Variants in PTPRA observed in about 807,000 individuals in gnomAD.
PTPRA encodes receptor-type tyrosine-protein phosphatase alpha.
Under a neutral mutation model 104.8 loss-of-function variants are expected in PTPRA, and 25 were observed. The observed-to-expected ratio is 0.24, with a 90% confidence interval of 0.17 to 0.33. The LOEUF (loss-of-function observed/expected upper bound fraction) is 0.33, where lower values mean the gene tolerates loss of function less well. PTPRA is among the 10% of genes least tolerant of loss of function. The pLI, the probability that PTPRA is intolerant of heterozygous loss-of-function variation, is 1.00. For missense variants in PTPRA, 765 were observed against 1,015.3 expected (o/e 0.75, Z 3.35); for synonymous variants, 323 against 368.9 (o/e 0.88, Z 1.43).
chr20:2,998,620 T>G (rs992037115), intron 9 of PTPRA, among the ~76,000 whole-genome samples: 1 of 152,228 alleles, frequency 6.6e-6, no homozygotes, highest in African/African-American at 2.4e-5. Flanking sequence ...TGGGTCGTTT[T>G]AAACAGAACT....
At chr20:2,889,314 C>T (rs562967751) in intron 1 of PTPRA, among the ~76,000 whole-genome samples, 1 of 152,236 alleles carries the variant, frequency 6.6e-6, no homozygotes, top group African/African-American at 2.4e-5. Flanking sequence ...CTCCAGGCCC[C>T]TTACTTAGTG....
intron 6 of PTPRA, among the ~76,000 whole-genome samples, chr20:2,976,378 G>C (rs908849429): frequency 2.6e-5 from 4 of 152,158 alleles, no homozygotes; most frequent in Admixed American, 2.0e-4. Context: ...TGAAACATAA[G>C]ATCTGTTGAC....
chr20:2,951,869 G>T (rs766545851), intron 3 of PTPRA, among the ~76,000 whole-genome samples: 2 of 152,070 alleles, frequency 1.3e-5, no homozygotes, highest in Non-Finnish European at 2.9e-5. Flanking sequence ...GGCTGGGCGC[G>T]GTGGCTCATG....
At chr20:2,940,527 A>T (rs1385020168) in intron 2 of PTPRA, among the ~76,000 whole-genome samples, 1 of 152,040 alleles carries the variant, frequency 6.6e-6, no homozygotes, top group African/African-American at 2.4e-5. Context: ...TATCCAGCTC[A>T]CTGCTTATTT....
intron 12 of PTPRA, 56 bp downstream of exon 12, chr20:3,015,941 TG>T (rs112421237): frequency 1.7e-5 from 26 of 1,502,238 alleles, no homozygotes; most frequent in Non-Finnish European, 2.4e-5. Flanking sequence ...ATAATGGGTT[TG>T]GTTTTTTTCT....
intron 6 of PTPRA, 93 bp downstream of exon 6, chr20:2,975,334 T>A (rs1196484859): frequency 8.8e-7 from 1 of 1,130,350 alleles, no homozygotes; most frequent in Non-Finnish European, 1.2e-6. Context: ...ACCGTGTGCA[T>A]CTGTGGCTGT....
At chr20:2,905,400 C>T (rs1023391906) in intron 1 of PTPRA, among the ~76,000 whole-genome samples, 1 of 152,180 alleles carries the variant, frequency 6.6e-6, no homozygotes, top group African/African-American at 2.4e-5. Context: ...TGCTCTCTAG[C>T]ACATCTTGCC....
chr20:2,952,073 T>C (rs967275707), intron 3 of PTPRA, among the ~76,000 whole-genome samples: 2 of 151,662 alleles, frequency 1.3e-5, no homozygotes, highest in African/African-American at 4.8e-5. Context: ...TGAGCCAAGA[T>C]TGCACCACGG....
chr20:2,897,431 A>T (rs1423809538), intron 1 of PTPRA, among the ~76,000 whole-genome samples: 2 of 126,356 alleles, frequency 1.6e-5, no homozygotes, highest in African/African-American at 6.3e-5. Flanking sequence ...TTTGTCACCC[A>T]GGCTGGAGTG....
intron 2 of PTPRA, among the ~76,000 whole-genome samples, chr20:2,944,599 C>T (rs922595077): frequency 2.6e-5 from 4 of 152,148 alleles, no homozygotes; most frequent in African/African-American, 9.7e-5. Context: ...TTGGTTTAAG[C>T]AAGTCACAGG....
At chr20:2,949,689 C>T (rs1307838496) in intron 3 of PTPRA, among the ~76,000 whole-genome samples, 7 of 150,674 alleles carry the variant, frequency 4.6e-5, no homozygotes, top group South Asian at 2.1e-4. Context: ...GAATGCTTTC[C>T]GTTTCTCTCT....
At chr20:2,979,755 G>A (rs1298088749) in intron 6 of PTPRA, among the ~76,000 whole-genome samples, 1 of 152,158 alleles carries the variant, frequency 6.6e-6, no homozygotes, top group Non-Finnish European at 1.5e-5. Flanking sequence ...AGTTGCCCAG[G>A]CTGGTCTCAA....
intron 9 of PTPRA, among the ~76,000 whole-genome samples, chr20:2,997,066 A>C (rs2063426620): frequency 6.6e-6 from 1 of 152,206 alleles, no homozygotes; most frequent in Non-Finnish European, 1.5e-5. Context: ...ATCCATTATG[A>C]TATTCTATAC....
chr20:3,015,742 C>T (rs2064409602), intron 11 of PTPRA, 107 bp from the exon 12 acceptor site: 3 of 871,712 alleles, frequency 3.4e-6, no homozygotes, highest in Non-Finnish European at 5.6e-6. Flanking sequence ...CCGTTAAGTA[C>T]CTGCACATTT....
chr20:2,876,806 TA>T (rs1255352903), intron 1 of PTPRA, among the ~76,000 whole-genome samples: 1 of 152,206 alleles, frequency 6.6e-6, no homozygotes, highest in East Asian at 1.9e-4. Flanking sequence ...CCCCAAAGTG[TA>T]TAGCTGGATA....
intron 6 of PTPRA, among the ~76,000 whole-genome samples, chr20:2,977,737 C>T (rs1234893722): frequency 1.3e-5 from 2 of 150,118 alleles, no homozygotes; most frequent in East Asian, 3.9e-4. Context: ...GGCATTTATT[C>T]AGTACCTATT....
At chr20:2,903,634 G>A (rs1270275486) in intron 1 of PTPRA, among the ~76,000 whole-genome samples, 1 of 152,116 alleles carries the variant, frequency 6.6e-6, no homozygotes, top group Non-Finnish European at 1.5e-5. Flanking sequence ...GCTGTGGTGA[G>A]CCATGATAAT....
At chr20:3,028,652 G>A (rs1399311344) in intron 20 of PTPRA, among the ~76,000 whole-genome samples, 2 of 152,196 alleles carry the variant, frequency 1.3e-5, no homozygotes, top group African/African-American at 4.8e-5. Context: ...CAAATGAGCG[G>A]TTCACTATGT....
chr20:2,873,039 G>T (rs1310219231), upstream of PTPRA, among the ~76,000 whole-genome samples: 1 of 152,080 alleles, frequency 6.6e-6, no homozygotes, highest in Admixed American at 6.5e-5. This position sits in a 1 kb window ranked among gnomAD's most constrained non-coding sequence, Gnocchi z 4.4. Flanking sequence ...GAGATCCGTC[G>T]TTCTTTGCAG....
Sources: gnomAD v4.1 joint callset for allele counts (sites outside exome capture counted in the v4.1 genomes callset) on GRCh38, gnomAD v4.1.1 for gene constraint, Gnocchi (gnomAD v3.1) non-coding constraint, MANE v1.5 for transcripts, NCBI Gene and HGNC (gene_info 2026-07-23, HGNC 2026-07-21) for gene names.